Variants in MCM9 observed in about 807,000 individuals in gnomAD.
The protein encoded by MCM9 is DNA helicase MCM9.
MCM9 carries 55 observed loss-of-function variants against 72.8 expected under a neutral mutation model. That is an observed-to-expected ratio of 0.76 (90% CI 0.61 to 0.95). The LOEUF is 0.95. MCM9 is among the 40% of genes least tolerant of loss of function. The pLI is 0.00. For missense variants in MCM9, 1,279 were observed against 1,377.0 expected, an observed-to-expected ratio of 0.93 and a Z score of 1.13; for synonymous variants, 480 against 503.4, an observed-to-expected ratio of 0.95 and a Z score of 0.62.
rs2114541194 is a variant in MCM9, at chr6:118,826,202, G to A, written c.1906C>T (p.Leu636=). The change falls in exon 13 of 14, where the codon CTG becomes TTG. Residue 636 remains leucine (L), a synonymous_variant. Transcript: ENST00000619706. The stretch of plus-strand genomic sequence containing the variant: ...AGGCTCTGCAGCTCTAGCTTTTCCA[G>A]AATAAGTTCACACTGTCTCTGGTAC... ...EQYQRQCELI[L]EKLELQSLLS... 6.4e-7 allele frequency: 1 copy of A among 1,550,478 alleles called. No individual in the cohort carries two copies. The highest frequency in any genetic ancestry group is 8.7e-7 in the Non-Finnish European group (1 of 1,146,946).
intron 6 of MCM9, among the ~76,000 whole-genome samples, chr6:118,915,890 A>G (rs1335955815): frequency 6.6e-6 from 1 of 152,212 alleles, no homozygotes; most frequent in Admixed American, 6.5e-5. Context: ...AAAACAAGAC[A>G]GATTCTTTAA....
intron 8 of MCM9, chr6:118,905,839 T>A (rs1562432473): frequency 6.4e-7 from 1 of 1,556,074 alleles, no homozygotes; most frequent in South Asian, 1.2e-5. Context: ...GTAATGTTCT[T>A]ACTATTCCTT....
chr6:118,860,269 T>C (rs1484069918), intron 8 of MCM9, among the ~76,000 whole-genome samples: 2 of 151,876 alleles, frequency 1.3e-5, no homozygotes, highest in East Asian at 3.9e-4. Context: ...ATGGATAAAG[T>C]TAACAAATAG....
intron 8 of MCM9, chr6:118,907,431 C>T: frequency 1.9e-6 from 3 of 1,608,362 alleles, no homozygotes; most frequent in Non-Finnish European, 2.5e-6. Flanking sequence ...CATCTAATCC[C>T]AGGGTCACAA....
chr6:118,842,476 G>A (rs938289246), intron 9 of MCM9, among the ~76,000 whole-genome samples: 1 of 152,124 alleles, frequency 6.6e-6, no homozygotes, highest in Non-Finnish European at 1.5e-5. Context: ...CTAGGCACAG[G>A]CACTGATTTG....
intron 9 of MCM9, among the ~76,000 whole-genome samples, chr6:118,840,308 G>A (rs2114610385): frequency 6.6e-6 from 1 of 152,040 alleles, no homozygotes; most frequent in East Asian, 1.9e-4. Flanking sequence ...GAGGTGATTT[G>A]GTTTAATGAA....
intron 8 of MCM9, among the ~76,000 whole-genome samples, chr6:118,861,167 G>A (rs950568486): frequency 6.6e-6 from 1 of 152,214 alleles, no homozygotes; most frequent in African/African-American, 2.4e-5. Context: ...ATGTGAGGCT[G>A]CAGCTGGACC....
rs12234152 is a variant in MCM9, at chr6:118,930,337, T to C, written c.304+1083A>G. ...CCGTGTTAGCCAGGATGGTCTCGAT[T>C]TCCTGACCTTGCGATCTGCCCGCCT... On this transcript the variant is annotated intron_variant, in intron 3 of 13. Coordinates refer to ENST00000619706, the MANE Select transcript of MCM9 (RefSeq NM_017696.3). Among the ~76,000 whole-genome samples, 207 of 152,182 alleles carry C rather than the reference T, an allele frequency of 1.4e-3. 1 individual carries two copies. The highest frequency in any genetic ancestry group is 1.7e-3 in the East Asian group (9 of 5,170).
intron 9 of MCM9, among the ~76,000 whole-genome samples, chr6:118,838,249 G>A (rs990367519): frequency 4.1e-5 from 6 of 146,838 alleles, no homozygotes; most frequent in Non-Finnish European, 5.9e-5. Flanking sequence ...TTCAAGCTTC[G>A]CCTCCCAGGT....
chr6:118,840,960 C>A (rs1775324636), intron 9 of MCM9, among the ~76,000 whole-genome samples: 1 of 152,112 alleles, frequency 6.6e-6, no homozygotes, highest in Non-Finnish European at 1.5e-5. Context: ...GTCTTGAACT[C>A]CTAGGCTTAA....
At chr6:118,873,228 G>A (rs1224862225) in intron 8 of MCM9, among the ~76,000 whole-genome samples, 8 of 80,860 alleles carry the variant, frequency 9.9e-5, no homozygotes, top group South Asian at 7.1e-4. Context: ...GGAAAGGGAA[G>A]GGGAAAGGGA....
At position 118,829,100 on chromosome 6, in the gene MCM9, G is replaced by C; in HGVS notation, c.1476C>G (p.Thr492=). 6.4e-7 allele frequency: 1 copy of C among 1,550,574 alleles called. No homozygotes were observed. Among genetic ancestry groups the C allele is most frequent in the South Asian group, 1.2e-5 (1 of 84,060 alleles). ...RFDLILVLLD[T]KNEDWDRIIS... ...TGATACGATCCCAGTCTTCATTCTT[G>C]GTATCAAGCAAAACCAGGATCAGGT... is the stretch of plus-strand genomic sequence containing the variant. Residue 492 remains threonine (T), a synonymous_variant, in exon 10 of 14, where the codon ACC becomes ACG. Transcript: ENST00000619706.
At chr6:118,889,346 C>G (rs140995718) in intron 8 of MCM9, among the ~76,000 whole-genome samples, 1,581 of 152,348 alleles carry the variant, frequency 0.01, 30 homozygotes, top group African/African-American at 0.036. Flanking sequence ...TGCCAAGCGT[C>G]ACTCCATCTA....
chr6:118,841,180 T>C (rs1376555692), intron 9 of MCM9, among the ~76,000 whole-genome samples: 1 of 152,184 alleles, frequency 6.6e-6, no homozygotes, highest in Non-Finnish European at 1.5e-5. Context: ...ATTGACCATA[T>C]AAATAATCTA....
chr6:118,860,983 C>A (rs1295716709), intron 8 of MCM9, among the ~76,000 whole-genome samples: 1 of 152,196 alleles, frequency 6.6e-6, no homozygotes, highest in Non-Finnish European at 1.5e-5. Flanking sequence ...ACCCATTCAG[C>A]CCAGCAGGCT....
At chr6:118,835,974 G>A (rs1254858682) in intron 9 of MCM9, among the ~76,000 whole-genome samples, 9 of 152,060 alleles carry the variant, frequency 5.9e-5, no homozygotes, top group South Asian at 2.1e-4. Context: ...GTATGATATC[G>A]GCTGTGGGTT....
chr6:118,859,295 G>A (rs1776761474), intron 8 of MCM9, among the ~76,000 whole-genome samples: 1 of 152,126 alleles, frequency 6.6e-6, no homozygotes, highest in South Asian at 2.1e-4. Flanking sequence ...AATGTAAAGT[G>A]TAAAACTATA....
At chr6:118,834,343 T>G (rs1774803037) in intron 9 of MCM9, among the ~76,000 whole-genome samples, 1 of 152,300 alleles carries the variant, frequency 6.6e-6, no homozygotes, top group East Asian at 1.9e-4. Context: ...GTCTTTATAG[T>G]AGAATGATTC....
chr6:118,919,623 T>C (rs1032975493), intron 5 of MCM9: 1 of 152,220 alleles, frequency 6.6e-6, no homozygotes, highest in Non-Finnish European at 1.5e-5. Context: ...ACCAGAACAA[T>C]TGTGAGGTAT....
Sources: gnomAD v4.1 joint callset for allele counts (sites outside exome capture counted in the v4.1 genomes callset) on GRCh38, gnomAD v4.1.1 for gene constraint, MANE v1.5 for transcripts, NCBI Gene and HGNC (gene_info 2026-07-23, HGNC 2026-07-21) for gene names.